Variants in CDKL4 observed in about 807,000 individuals in gnomAD.
CDKL4 encodes the protein cyclin dependent kinase like 4, also known as cyclin-dependent kinase-like 4.
In CDKL4, 44 loss-of-function variants were observed where a neutral mutation model predicts 42.0. That is an observed-to-expected ratio of 1.05 (90% confidence interval 0.82 to 1.35). The LOEUF is 1.35. Ranked by LOEUF, CDKL4 falls within the 40% of genes most tolerant of loss-of-function variation. The pLI, the probability that CDKL4 is intolerant of heterozygous loss-of-function variation, is 0.00. For missense variants in CDKL4, 393 were observed against 369.9 expected (o/e 1.06, Z -0.51); for synonymous variants, 120 against 121.6 (o/e 0.99, Z 0.09).
rs35984945 is a variant in CDKL4 at position 39,219,404 on chromosome 2, C to CTTATTTATTTAT, written c.291-5944_291-5933dup. Among the ~76,000 whole-genome samples the CTTATTTATTTAT allele has an allele frequency of 3.8e-3, 568 of 148,514 alleles. 6 individuals carry two copies. The highest frequency in any genetic ancestry group is 0.01 in the African/African-American group (418 of 40,544). On this transcript the variant is annotated intron_variant, in intron 3 of 9. Transcript: ENST00000451199. ...TGGCCACTCAGTAATGAAACAGGTA[C>CTTATTTATTTAT]TTATTTATTTATTTATTTATTTATT... is the stretch of plus-strand genomic sequence containing the variant.
chr2:39,220,976 CTTTTTT>C (rs1157655136), intron 3 of CDKL4, among the ~76,000 whole-genome samples: 11 of 49,148 alleles, frequency 2.2e-4, no homozygotes, highest in Admixed American at 1.0e-3. Context: ...CATCGACGAT[CTTTTTT>C]TTTTTTTTTT....
In CDKL4 at chr2:39,190,122, G is replaced by A. The variant is rs1572955691; in HGVS notation, c.652+183C>T. 2.0e-5 allele frequency among the ~76,000 whole-genome samples: 3 copies of A among 152,300 alleles called. No individual in the cohort carries two copies. The East Asian group carries it at 5.8e-4, about 29-fold the overall frequency. On this transcript the variant is annotated intron_variant, in intron 6 of 9. Coordinates refer to ENST00000451199, the Ensembl canonical transcript of CDKL4. Reference sequence around the variant, plus strand: ...GCTCCCTGAGAGGAGTTACGGTTCTGCATGTTTAGAAAAGGATTGGGCTTT... The same window carrying A: ...GCTCCCTGAGAGGAGTTACGGTTCTACATGTTTAGAAAAGGATTGGGCTTT...
rs1558546748 is a variant in CDKL4 at position 39,185,265 on chromosome 2, CATATATATACACATATGTATATATACAT to C, written c.736-646_736-619del. ...ACATATATACACATATGTATATATACATATATATACACATATGTATATATACATATATATACACATATGTATATATACA... is the reference window on the plus strand; with the variant it reads ...ACATATATACACATATGTATATATACATATATACACATATGTATATATACA... On this transcript the variant is annotated intron_variant, in intron 7 of 9. Coordinates refer to ENST00000451199, the Ensembl canonical transcript of CDKL4. Among the ~76,000 whole-genome samples, 16 of 19,324 alleles carry C rather than the reference CATATATATACACATATGTATATATACAT, an allele frequency of 8.3e-4. 2 individuals carry two copies. Among genetic ancestry groups the C allele is most frequent in the Admixed American group, 2.9e-3 (3 of 1,042 alleles). The allele number at this position is 19,324 out of a possible 152,430, so 12.7% of individuals were successfully genotyped here. A position where few individuals can be genotyped will look rare whatever the true frequency, so the allele number is the denominator to read the frequency against.
intron 2 of CDKL4, among the ~76,000 whole-genome samples, chr2:39,227,491 G>A (rs1331464809): frequency 6.6e-6 from 1 of 152,142 alleles, no homozygotes; most frequent in Non-Finnish European, 1.5e-5. Context: ...ATATGCCCAG[G>A]CTGAGGCAGG....
intron 4 of CDKL4, among the ~76,000 whole-genome samples, chr2:39,209,749 C>T (rs986756923): frequency 8.5e-5 from 13 of 152,250 alleles, no homozygotes; most frequent in East Asian, 5.8e-4. Context: ...AGCTGTGAGT[C>T]GTCAGCAACA....
intron 3 of CDKL4, among the ~76,000 whole-genome samples, chr2:39,215,903 C>T (rs777926205): frequency 1.3e-5 from 2 of 152,144 alleles, no homozygotes; most frequent in Non-Finnish European, 2.9e-5. Context: ...AAATCCCTTT[C>T]GACTTGAAGT....
downstream of CDKL4, among the ~76,000 whole-genome samples, chr2:39,173,145 T>C (rs768537502): frequency 3.9e-5 from 6 of 152,186 alleles, no homozygotes; most frequent in Non-Finnish European, 5.9e-5. Context: ...ATTTTCTATA[T>C]GTGTATGTGT....
chr2:39,175,931 T>C (rs1049256585), exon 10 of CDKL4: 2 of 427,362 alleles, frequency 4.7e-6, no homozygotes, highest in Non-Finnish European at 9.5e-6. Flanking sequence ...ACACTGAGAA[T>C]TCCTATCTCA....
chr2:39,193,061 G>A (rs1485301576), intron 5 of CDKL4, among the ~76,000 whole-genome samples: 1 of 150,672 alleles, frequency 6.6e-6, no homozygotes, highest in African/African-American at 2.4e-5. Context: ...CTAGGAGGTT[G>A]AGGCTGCAGT....
downstream of CDKL4, among the ~76,000 whole-genome samples, chr2:39,171,316 C>T (rs781343106): frequency 2.6e-5 from 4 of 151,692 alleles, no homozygotes; most frequent in Non-Finnish European, 5.9e-5. Context: ...AACTGTGATA[C>T]ACCTAATTTA....
chr2:39,176,988 T>C (rs1282348830), intron 9 of CDKL4, among the ~76,000 whole-genome samples: 2 of 152,110 alleles, frequency 1.3e-5, no homozygotes, highest in Non-Finnish European at 2.9e-5. Context: ...GAGAGCTGTT[T>C]AGGACCGGCC....
At chr2:39,190,795 C>T (rs559575211) in intron 5 of CDKL4, among the ~76,000 whole-genome samples, 118 of 152,186 alleles carry the variant, frequency 7.8e-4, no homozygotes, top group Middle Eastern at 3.4e-3. Context: ...AAGTCTAAAC[C>T]GCATTGTTGG....
upstream of CDKL4, among the ~76,000 whole-genome samples, chr2:39,246,739 C>A (rs572097838): frequency 6.6e-6 from 1 of 152,080 alleles, no homozygotes. Flanking sequence ...TTAGGCACAA[C>A]CTCTTGTACC....
At chr2:39,200,406 A>G (rs1345666648) in intron 5 of CDKL4, among the ~76,000 whole-genome samples, 2 of 152,200 alleles carry the variant, frequency 1.3e-5, no homozygotes, top group African/African-American at 4.8e-5. Flanking sequence ...GAAGACGACC[A>G]TACTGCCAAA....
At chr2:39,196,143 C>T (rs1003225069) in intron 5 of CDKL4, among the ~76,000 whole-genome samples, 3 of 152,212 alleles carry the variant, frequency 2.0e-5, no homozygotes, top group Non-Finnish European at 4.4e-5. Context: ...TTGAGAGCAC[C>T]AGCTCCTGGC....
rs573819968 is a variant in CDKL4 at position 39,179,572 on chromosome 2, C to T, written c.793-251G>A. Among the ~76,000 whole-genome samples, 3 of 152,320 alleles carry T rather than the reference C, an allele frequency of 2.0e-5. No individual in the cohort carries two copies. In the South Asian group the frequency reaches 6.2e-4, roughly 32 times the overall value. ...AGGCCACCTGTAGATCTGGTGTTCCCACCAATGACATTTTAAAATCACTGC... is the reference window on the plus strand; with the variant it reads ...AGGCCACCTGTAGATCTGGTGTTCCTACCAATGACATTTTAAAATCACTGC... On this transcript the variant is annotated intron_variant, in intron 8 of 9. Transcript: ENST00000451199.
At chr2:39,242,184 T>C (rs1246439384) in intron 1 of CDKL4, among the ~76,000 whole-genome samples, 5 of 152,122 alleles carry the variant, frequency 3.3e-5, no homozygotes, top group Non-Finnish European at 5.9e-5. Flanking sequence ...TAGCTGAGAC[T>C]ACAGGCATGT....
intron 1 of CDKL4, among the ~76,000 whole-genome samples, chr2:39,234,494 T>A (rs1227603266): frequency 6.6e-6 from 1 of 152,180 alleles, no homozygotes; most frequent in Non-Finnish European, 1.5e-5. Flanking sequence ...TCCGAACGTA[T>A]GTACAACTGG....
chr2:39,220,531 T>G (rs1461196130), intron 3 of CDKL4, among the ~76,000 whole-genome samples: 1 of 152,162 alleles, frequency 6.6e-6, no homozygotes, highest in Admixed American at 6.5e-5. Context: ...GGAAGAAATA[T>G]GACTTTAGAT....
Sources: allele counts gnomAD v4.1 joint callset (sites outside exome capture counted in the v4.1 genomes callset), GRCh38; gene constraint gnomAD v4.1.1; transcripts MANE v1.5; gene names NCBI Gene and HGNC (gene_info 2026-07-23, HGNC 2026-07-21).